Variants in MCTP1 observed in about 807,000 individuals in gnomAD.
The protein encoded by MCTP1 is multiple C2 and transmembrane domain-containing protein 1.
A neutral mutation model predicts 120.6 loss-of-function variants in MCTP1; 69 were observed. The ratio of observed to expected loss-of-function variants is 0.57; its 90% CI spans 0.47 to 0.70. The LOEUF (loss-of-function observed/expected upper bound fraction) is 0.70. Among genes scored for constraint, MCTP1 ranks in the 30% least tolerant of loss-of-function variants. MCTP1 has a pLI of 0.00. For missense variants in MCTP1, 1,203 were observed against 1,248.8 expected, an observed-to-expected ratio of 0.96 and a Z score of 0.55; for synonymous variants, 529 against 493.1, an observed-to-expected ratio of 1.07 and a Z score of -0.96.
At chr5:94,731,060 G>A (rs1763032493) in intron 19 of MCTP1, among the ~76,000 whole-genome samples, 1 of 152,182 alleles carries the variant, frequency 6.6e-6, no homozygotes, top group African/African-American at 2.4e-5. Context: ...CACTGCAAGG[G>A]AGGGTGATCT....
chr5:95,151,070 A>C (rs537299748), intron 1 of MCTP1, among the ~76,000 whole-genome samples: 1 of 150,258 alleles, frequency 6.7e-6, no homozygotes, highest in East Asian at 2.0e-4. Flanking sequence ...GGTTCAAGAT[A>C]TTCTTCTGCT....
intron 16 of MCTP1, 45 bp from the exon 17 acceptor site, chr5:94,868,497 A>G: frequency 1.4e-6 from 2 of 1,468,702 alleles, no homozygotes; most frequent in African/African-American, 1.4e-5. Context: ...AAGACTAAAA[A>G]CCATCAGATA....
chr5:94,923,893 A>T (rs939803140), intron 7 of MCTP1, 69 bp downstream of exon 7: 9 of 903,374 alleles, frequency 1.0e-5, no homozygotes, highest in Non-Finnish European at 1.5e-5. Flanking sequence ...CTTAGTTGCC[A>T]TGTAACTTTC....
intron 4 of MCTP1, among the ~76,000 whole-genome samples, chr5:94,942,141 G>A (rs1242740482): frequency 2.0e-5 from 3 of 151,926 alleles, no homozygotes; most frequent in Admixed American, 1.3e-4. Flanking sequence ...AGAAGTTTTC[G>A]GTTGAAAAGT....
intron 1 of MCTP1, among the ~76,000 whole-genome samples, chr5:95,030,007 C>T (rs1839989918): frequency 6.6e-6 from 1 of 152,184 alleles, no homozygotes; most frequent in Non-Finnish European, 1.5e-5. Flanking sequence ...CAAGGGAGGA[C>T]AGATAAGTTG....
At chr5:94,795,384 G>T (rs1365209585) in intron 18 of MCTP1, among the ~76,000 whole-genome samples, 1 of 152,180 alleles carries the variant, frequency 6.6e-6, no homozygotes. Flanking sequence ...ACTTCACACA[G>T]AGCCCACGGT....
intron 1 of MCTP1, among the ~76,000 whole-genome samples, chr5:95,116,249 A>G (rs1757816599): frequency 6.6e-6 from 1 of 152,352 alleles, no homozygotes; most frequent in Middle Eastern, 3.4e-3. Flanking sequence ...AGTGCACCGA[A>G]AAACACAGAT....
chr5:94,917,821 C>A, intron 8 of MCTP1, 75 bp downstream of exon 8: 1 of 1,154,998 alleles, frequency 8.7e-7, no homozygotes, highest in Non-Finnish European at 1.3e-6. Context: ...GTTTTCAGTA[C>A]AGTAAGTTGG....
chr5:95,255,088 G>C (rs1757745140), intron 1 of MCTP1, among the ~76,000 whole-genome samples: 1 of 152,142 alleles, frequency 6.6e-6, no homozygotes, highest in South Asian at 2.1e-4. Context: ...GCCTTCATTT[G>C]AGTATGGTCA....
chr5:95,227,093 G>A (rs1318268477), intron 1 of MCTP1, among the ~76,000 whole-genome samples: 1 of 152,136 alleles, frequency 6.6e-6, no homozygotes, highest in African/African-American at 2.4e-5. Flanking sequence ...CACCGAGGCA[G>A]AATTTGATTT....
intron 1 of MCTP1, among the ~76,000 whole-genome samples, chr5:95,160,860 C>T (rs1232330683): frequency 6.6e-6 from 1 of 152,062 alleles, no homozygotes; most frequent in Non-Finnish European, 1.5e-5. Context: ...AAATGCCTAT[C>T]ACTAATAATC....
intron 2 of MCTP1, among the ~76,000 whole-genome samples, chr5:94,983,555 T>G (rs1198564524): frequency 6.6e-6 from 1 of 152,122 alleles, no homozygotes; most frequent in African/African-American, 2.4e-5. Flanking sequence ...CCTGTAATCC[T>G]AACACTTTGG....
chr5:94,981,977 G>A lies in MCTP1; in HGVS notation c.839-28616C>T, dbSNP rs924182594. ...ATGTTTTAAGGTTGCCTTGTCTGATGTCAAGTTATCGTTCTTTGATCAGGG... is the reference window on the plus strand; with the variant it reads ...ATGTTTTAAGGTTGCCTTGTCTGATATCAAGTTATCGTTCTTTGATCAGGG... On this transcript the variant is annotated intron_variant, in intron 2 of 22. Coordinates refer to ENST00000515393, the MANE Select transcript of MCTP1 (RefSeq NM_024717.7). Among the ~76,000 whole-genome samples, 26 of 152,234 alleles carry A rather than the reference G, an allele frequency of 1.7e-4. No homozygotes were observed. In the East Asian group the frequency reaches 5.0e-3, roughly 29 times the overall value.
At chr5:94,814,732 A>G (rs1784148336) in intron 17 of MCTP1, among the ~76,000 whole-genome samples, 1 of 152,194 alleles carries the variant, frequency 6.6e-6, no homozygotes, top group African/African-American at 2.4e-5. Flanking sequence ...ATAGAAAAGG[A>G]CAGCTTAGCC....
At chr5:94,760,748 G>A (rs1391216659) in intron 19 of MCTP1, among the ~76,000 whole-genome samples, 2 of 151,266 alleles carry the variant, frequency 1.3e-5, no homozygotes, top group Non-Finnish European at 2.9e-5. Flanking sequence ...GCAGTGGCAC[G>A]ATCACAGCTC....
rs535163777 is a variant in MCTP1 at position 95,108,274 on chromosome 5, C to T, written c.721-90790G>A. Among the ~76,000 whole-genome samples, 21 of 152,218 alleles carry T rather than the reference C, an allele frequency of 1.4e-4. 1 individual carries two copies. Among genetic ancestry groups the T allele is most frequent in the Middle Eastern group, 3.4e-3 (1 of 294 alleles). On this transcript the variant is annotated intron_variant, in intron 1 of 22. Coordinates refer to ENST00000515393, the MANE Select transcript of MCTP1 (RefSeq NM_024717.7). Reference sequence around the variant, plus strand: ...CTTCAAGTGCTCTTCATTCCAGGTGCGTTACAAGAGTGGCTAGCCCATGAG... The same window carrying T: ...CTTCAAGTGCTCTTCATTCCAGGTGTGTTACAAGAGTGGCTAGCCCATGAG...
intron 17 of MCTP1, among the ~76,000 whole-genome samples, chr5:94,829,581 A>G (rs1459017242): frequency 6.6e-6 from 1 of 152,100 alleles, no homozygotes; most frequent in Admixed American, 6.6e-5. Context: ...GCTCCACATC[A>G]TGGTCAGTTA....
intron 18 of MCTP1, among the ~76,000 whole-genome samples, chr5:94,791,500 T>TAC (rs1215532713): frequency 2.9e-4 from 43 of 149,178 alleles, no homozygotes; most frequent in East Asian, 2.0e-3. Flanking sequence ...GTTTCTAAAA[T>TAC]ACACACACAC....
In MCTP1 at chr5:94,833,175, T is replaced by C. The variant is rs1190975032; in HGVS notation, c.2437-34043A>G. ...AAAATTTCAGCTATACCAGAACTTATTGAATCAGGTCAATAAGTTTTGTGT... is the reference window on the plus strand; with the variant it reads ...AAAATTTCAGCTATACCAGAACTTACTGAATCAGGTCAATAAGTTTTGTGT... On this transcript the variant is annotated intron_variant, in intron 17 of 22. Coordinates refer to ENST00000515393, the MANE Select transcript of MCTP1 (RefSeq NM_024717.7). 2.3e-4 allele frequency among the ~76,000 whole-genome samples: 35 copies of C among 152,234 alleles called. 1 individual carries two copies. Among genetic ancestry groups the C allele is most frequent in the African/African-American group, 2.4e-5 (1 of 41,462 alleles).
Sources: allele counts gnomAD v4.1 joint callset (sites outside exome capture counted in the v4.1 genomes callset), GRCh38; gene constraint gnomAD v4.1.1; transcripts MANE v1.5; gene names NCBI Gene and HGNC (gene_info 2026-07-23, HGNC 2026-07-21).